BRAF: variants seen among roughly 807,000 people sequenced by gnomAD.
The protein encoded by BRAF is B-Raf proto-oncogene, serine/threonine kinase.
Under a neutral mutation model 104.6 loss-of-function variants are expected in BRAF, and 16 were observed. The observed-to-expected ratio is 0.15, with a 90% CI of 0.10 to 0.23. The LOEUF is 0.23. Ranked by LOEUF, BRAF falls within the 10% of genes least tolerant of loss-of-function variation. BRAF has a pLI of 1.00. For missense variants in BRAF, 541 were observed against 937.3 expected, an observed-to-expected ratio of 0.58 and a Z score of 5.52; for synonymous variants, 310 against 341.6, an observed-to-expected ratio of 0.91 and a Z score of 1.02.
intron 1 of BRAF, among the ~76,000 whole-genome samples, chr7:140,855,074 AC>A (rs748532949): frequency 3.3e-5 from 5 of 152,236 alleles, no homozygotes; most frequent in Non-Finnish European, 5.9e-5. Flanking sequence ...AAAAAAAGTC[AC>A]AATGACCCTT....
chr7:140,808,786 G>T, intron 4 of BRAF, 106 bp downstream of exon 4: 2 of 897,360 alleles, frequency 2.2e-6, no homozygotes, highest in Non-Finnish European at 3.6e-6. Flanking sequence ...TTTTCCTAAA[G>T]TACACTTTCA....
At chr7:140,734,499 A>T (rs551449681) in intron 19 of BRAF, 2 of 1,603,098 alleles carry the variant, frequency 1.2e-6, no homozygotes, top group South Asian at 2.2e-5. Flanking sequence ...CACCTTAAAA[A>T]AAAAGAGAGT....
chr7:140,725,849 G>T lies in BRAF; in HGVS notation c.*645C>A. 1.9e-6 allele frequency: 2 copies of T among 1,063,342 alleles called. No individual in the cohort carries two copies. The highest frequency in any genetic ancestry group is 2.3e-6 in the Non-Finnish European group (2 of 878,094). 65.9% of individuals were successfully genotyped at this position (1,063,342 alleles called of 1,614,324 possible). A position where few individuals can be genotyped will look rare whatever the true frequency, so the allele number is the denominator to read the frequency against. The stretch of plus-strand genomic sequence containing the variant: ...CAGAGACCCCGGAGGTCAGGAAGAA[G>T]ATGCAGCATGCCCTTTTCCTCCATA... On this transcript the variant is annotated 3_prime_UTR_variant, in exon 20 of 20. Coordinates refer to ENST00000644969, the MANE Select transcript of BRAF (RefSeq NM_001374258.1).
In BRAF at chr7:140,881,474, C is replaced by T. The variant is rs1249882766; in HGVS notation, c.139-31262G>A. On this transcript the variant is annotated intron_variant, in intron 1 of 19. Transcript: ENST00000644969. ...CTCACTATGATGGCCAGGCTGGTCT[C>T]GAACTCCTAGCCTCAAGTGATCCTC... 3.9e-5 allele frequency among the ~76,000 whole-genome samples: 6 copies of T among 152,168 alleles called. 1 individual carries two copies. The highest frequency in any genetic ancestry group is 1.9e-4 in the East Asian group (1 of 5,188).
At chr7:140,823,902 C>T (rs1805738951) in intron 3 of BRAF, 1 of 152,114 alleles carries the variant, frequency 6.6e-6, no homozygotes, top group Admixed American at 6.5e-5. Flanking sequence ...TTGCATGTTC[C>T]TAATAATTAG....
chr7:140,822,145 C>T (rs1164634857), intron 3 of BRAF, among the ~76,000 whole-genome samples: 2 of 152,010 alleles, frequency 1.3e-5, no homozygotes, highest in South Asian at 2.1e-4. Flanking sequence ...GTGCATGTAC[C>T]TCCTGAATCT....
Position 140,913,276 on chromosome 7 carries a change from C to T in BRAF, c.138+11290G>A, listed in dbSNP as rs140487328. ...AATACACACACACCCCTCCACTGGA[C>T]AGCAGCTACATAAGGGTAGAGACCT... On this transcript the variant is annotated intron_variant, in intron 1 of 19. Coordinates refer to ENST00000644969, the MANE Select transcript of BRAF (RefSeq NM_001374258.1). Among the ~76,000 whole-genome samples, 24 of 152,158 alleles carry T rather than the reference C, an allele frequency of 1.6e-4. No homozygotes were observed. The South Asian group carries it at 2.1e-3, about 13-fold the overall frequency.
chr7:140,807,611 T>G (rs1400649512), intron 5 of BRAF, among the ~76,000 whole-genome samples: 1 of 152,122 alleles, frequency 6.6e-6, no homozygotes, highest in Non-Finnish European at 1.5e-5. Context: ...AGCACACGTT[T>G]GTGTACACAG....
chr7:140,740,057 G>T, intron 17 of BRAF, 111 bp from the exon 17 acceptor site: 1 of 1,151,220 alleles, frequency 8.7e-7, no homozygotes, highest in Non-Finnish European at 1.2e-6. Flanking sequence ...TACGATGTAT[G>T]TATTACACCT....
At chr7:140,856,340 A>G (rs997160410) in intron 1 of BRAF, among the ~76,000 whole-genome samples, 4 of 152,094 alleles carry the variant, frequency 2.6e-5, no homozygotes, top group Non-Finnish European at 5.9e-5. Context: ...ACAGTACTGA[A>G]AGCAAGGAGG....
chr7:140,859,721 C>A, intron 1 of BRAF, among the ~76,000 whole-genome samples: 1 of 138,894 alleles, frequency 7.2e-6, no homozygotes, highest in Admixed American at 7.4e-5. Context: ...TGGAGTCTCA[C>A]TTTGTCACCA....
At position 140,808,849 on chromosome 7, in the gene BRAF, A is replaced by T. The variant is rs761958040; in HGVS notation, c.608+43T>A. On this transcript the variant is annotated intron_variant, in intron 4 of 19. Transcript: ENST00000644969. ...AGAAAACTTCAAAGTTTAATGTGTG[A>T]TTTTCTTTTTAAACAAAATTTCACG... 4.0e-6 allele frequency: 6 copies of T among 1,512,538 alleles called. No individual in the cohort carries two copies. The African/African-American group carries it at 6.9e-5, about 17-fold the overall frequency. 93.7% of individuals were successfully genotyped at this position (1,512,538 alleles called of 1,614,324 possible).
rs1313774133 is a variant in BRAF at position 140,720,920 on chromosome 7, G to A, written c.*5574C>T. ...TCACAAATTTTCTGCCAACTCTCCC[G>A]CATATGTGCTGTACATGAGAACCAG... is the stretch of plus-strand genomic sequence containing the variant. On this transcript the variant is annotated 3_prime_UTR_variant, in exon 20 of 20. Coordinates refer to ENST00000644969, the MANE Select transcript of BRAF (RefSeq NM_001374258.1). 9.4e-6 allele frequency: 10 copies of A among 1,065,534 alleles called. No homozygotes were observed. The highest frequency in any genetic ancestry group is 1.6e-5 in the African/African-American group (1 of 61,056). The allele number at this position is 1,065,534 out of a possible 1,614,324, so 66.0% of individuals were successfully genotyped here. A position where few individuals can be genotyped will look rare whatever the true frequency, so the allele number is the denominator to read the frequency against.
At chr7:140,758,449 T>C (rs1419188056) in intron 14 of BRAF, among the ~76,000 whole-genome samples, 2 of 152,206 alleles carry the variant, frequency 1.3e-5, no homozygotes, top group Non-Finnish European at 2.9e-5. Flanking sequence ...CTTGATTTTT[T>C]AGTTTCCTTC....
intron 1 of BRAF, among the ~76,000 whole-genome samples, chr7:140,891,079 T>G (rs779114483): frequency 6.6e-5 from 10 of 152,222 alleles, no homozygotes; most frequent in Non-Finnish European, 1.3e-4. Context: ...TATACAGTTA[T>G]AGGCTCCTAT....
Position 140,721,358 on chromosome 7 carries a change from T to C in BRAF, c.*5136A>G, listed in dbSNP as rs1795317694. The C allele has an allele frequency of 3.3e-6, 4 of 1,217,030 alleles. No individual in the cohort carries two copies. In the South Asian group the frequency reaches 1.7e-4, roughly 51 times the overall value. 75.4% of individuals were successfully genotyped at this position (1,217,030 alleles called of 1,614,324 possible). On this transcript the variant is annotated 3_prime_UTR_variant, in exon 20 of 20. Transcript: ENST00000644969. ...TTTTAGGAGTTGGGTTTCTGTCCTT[T>C]TCCACATTAAAAATACCTGATAGGA...
Position 140,725,788 on chromosome 7 carries a change from TAGAC to T in BRAF, c.*702_*705del. On this transcript the variant is annotated 3_prime_UTR_variant, in exon 20 of 20. Coordinates refer to ENST00000644969, the MANE Select transcript of BRAF (RefSeq NM_001374258.1). Reference sequence around the variant, plus strand: ...GCCAGCACTATCTAGCCTGCTTGGTTAGACAGACCCCTCAGTGAGCAAGGAAACA... The same window carrying T: ...GCCAGCACTATCTAGCCTGCTTGGTTAGACCCCTCAGTGAGCAAGGAAACA... 1 of 1,062,982 alleles carries T rather than the reference TAGAC, an allele frequency of 9.4e-7. No individual in the cohort carries two copies. Among genetic ancestry groups the T allele is most frequent in the East Asian group, 5.1e-5 (1 of 19,784 alleles). The allele number at this position is 1,062,982 out of a possible 1,614,324, so 65.8% of individuals were successfully genotyped here.
At chr7:140,826,461 CTT>C (rs895559513) in intron 3 of BRAF, among the ~76,000 whole-genome samples, 3 of 152,106 alleles carry the variant, frequency 2.0e-5, no homozygotes, top group African/African-American at 7.2e-5. Flanking sequence ...TTGCTTTTCT[CTT>C]TCTCTGCATG....
At chr7:140,897,493 C>CTTTTT (rs1177553423) in intron 1 of BRAF, among the ~76,000 whole-genome samples, 19 of 105,714 alleles carry the variant, frequency 1.8e-4, no homozygotes, top group East Asian at 2.5e-4. Context: ...TTTCTTTTTT[C>CTTTTT]TTTTTTTTTT....
Sources: allele counts gnomAD v4.1 joint callset (sites outside exome capture counted in the v4.1 genomes callset), GRCh38; gene constraint gnomAD v4.1.1; transcripts MANE v1.5; gene names NCBI Gene and HGNC (gene_info 2026-07-23, HGNC 2026-07-21).